The following MGST1 variants were observed in gnomAD, a reference collection of about 807,000 sequenced individuals.
The protein encoded by MGST1 is microsomal glutathione S-transferase 1, also known as glutathione S-transferase 12.
A neutral mutation model predicts 8.9 loss-of-function variants in MGST1; 5 were observed. That is an observed-to-expected ratio of 0.56 (90% CI 0.29 to 1.19). The LOEUF (loss-of-function observed/expected upper bound fraction) is 1.19, where lower values mean the gene tolerates loss of function less well. MGST1 is among the 50% of genes most tolerant of loss of function. The pLI is 0.08. For synonymous variants in MGST1, 54 were observed against 67.8 expected (o/e 0.80, Z 1.00); for missense variants, 182 against 187.4 (o/e 0.97, Z 0.17).
intron 4 of MGST1, among the ~76,000 whole-genome samples, chr12:16,461,413 G>A (rs993883864): frequency 1.9e-4 from 29 of 152,186 alleles, no homozygotes; most frequent in African/African-American, 6.7e-4. Flanking sequence ...TTTATCAGAC[G>A]TACAACCAGA....
At chr12:16,565,505 A>G (rs1942569160) in intron 4 of MGST1, among the ~76,000 whole-genome samples, 1 of 152,208 alleles carries the variant, frequency 6.6e-6, no homozygotes, top group South Asian at 2.1e-4. Context: ...GGTTCTCAGC[A>G]TGTGCTCCAC....
chr12:16,507,250 G>C (rs1396978253), intron 4 of MGST1, among the ~76,000 whole-genome samples: 3 of 152,190 alleles, frequency 2.0e-5, no homozygotes, highest in Admixed American at 2.0e-4. Flanking sequence ...GTTTGGTAGA[G>C]AGAAAATATT....
chr12:16,462,229 A>G (rs1941226187), intron 4 of MGST1, among the ~76,000 whole-genome samples: 1 of 152,180 alleles, frequency 6.6e-6, no homozygotes, highest in African/African-American at 2.4e-5. Context: ...GAGCTTTTGC[A>G]AGCATTTTGC....
chr12:16,421,680 C>T (rs1471170584), intron 1 of MGST1, among the ~76,000 whole-genome samples: 1 of 152,110 alleles, frequency 6.6e-6, no homozygotes. Flanking sequence ...GGTCCATGGA[C>T]GTATATTCAC....
At chr12:16,454,246 A>G (rs181908512) in intron 4 of MGST1, among the ~76,000 whole-genome samples, 1 of 152,040 alleles carries the variant, frequency 6.6e-6, no homozygotes, top group East Asian at 1.9e-4. Context: ...TCATTTAGGA[A>G]CTATTTTTTC....
intron 4 of MGST1, among the ~76,000 whole-genome samples, chr12:16,468,923 C>T (rs1941272985): frequency 6.6e-6 from 1 of 152,144 alleles, no homozygotes. Context: ...CTTCTTTCAC[C>T]TTTTCAGGTG....
At chr12:16,534,947 G>A (rs1050926968) in intron 4 of MGST1, among the ~76,000 whole-genome samples, 14 of 152,014 alleles carry the variant, frequency 9.2e-5, no homozygotes, top group Admixed American at 8.5e-4. Context: ...GATGGTTCTC[G>A]GGTGCTGCTC....
In MGST1 at chr12:16,389,362, G is replaced by A. The variant is rs1940530927; in HGVS notation, n.778+5758G>A. Among the ~76,000 whole-genome samples the A allele has an allele frequency of 6.6e-6, 1 of 152,320 alleles. No individual in the cohort carries two copies. Among genetic ancestry groups the A allele is most frequent in the South Asian group, 2.1e-4 (1 of 4,822 alleles). On this transcript the variant is annotated intron_variant and non_coding_transcript_variant, in intron 1 of 1. Transcript: ENST00000359720. The surrounding 1 kb of genome is among the most constrained non-coding windows in gnomAD (Gnocchi z 4.6). ...ATAATGTTGAGAATAGTGGTTAAGT[G>A]TCCTGTTTTGCTTATAGAAGACCAT...
chr12:16,520,265 G>T (rs375811049), intron 4 of MGST1, among the ~76,000 whole-genome samples: 2 of 152,106 alleles, frequency 1.3e-5, no homozygotes, highest in African/African-American at 4.8e-5. Flanking sequence ...CTAAATTAGT[G>T]AAAGAATGTT....
intron 4 of MGST1, among the ~76,000 whole-genome samples, chr12:16,502,351 C>CTAAT (rs1565465685): frequency 6.6e-6 from 1 of 152,150 alleles, no homozygotes; most frequent in Non-Finnish European, 1.5e-5. Context: ...CCCCAAGTCC[C>CTAAT]TAATAAATAG....
intron 4 of MGST1, among the ~76,000 whole-genome samples, chr12:16,459,719 A>T (rs935301021): frequency 6.6e-6 from 1 of 152,048 alleles, no homozygotes; most frequent in Non-Finnish European, 1.5e-5. Context: ...GCAGGTTTTT[A>T]CTAGAGTGTC....
chr12:16,350,436 TTTGA>T (rs1233062543), intron 1 of MGST1, among the ~76,000 whole-genome samples: 1 of 152,260 alleles, frequency 6.6e-6, no homozygotes, highest in East Asian at 1.9e-4. Context: ...CTTACTTTTC[TTTGA>T]TTATTTCTCC....
intron 4 of MGST1, chr12:16,549,210 T>C (rs1354145570): frequency 1.3e-5 from 2 of 152,244 alleles, no homozygotes; most frequent in South Asian, 4.1e-4. Flanking sequence ...CTTTGTTTAT[T>C]TTGGTTATGC....
chr12:16,443,918 C>T (rs1201232473), intron 4 of MGST1, among the ~76,000 whole-genome samples: 2 of 151,920 alleles, frequency 1.3e-5, no homozygotes, highest in African/African-American at 4.8e-5. Context: ...ACTGTCACTG[C>T]CCTTTTAAGA....
downstream of MGST1, among the ~76,000 whole-genome samples, chr12:16,366,654 CACACACACACATACACACACACAT>C (rs769198732): frequency 1.3e-3 from 86 of 68,386 alleles, no homozygotes; most frequent in East Asian, 5.3e-3. This position sits in a 1 kb window ranked among gnomAD's most constrained non-coding sequence, Gnocchi z 4.0. Context: ...CACACACACA[CACACACACACATACACACACACAT>C]ACTACCATCA....
chr12:16,370,593 G>A (rs1940274043), intron 3 of MGST1, among the ~76,000 whole-genome samples: 1 of 152,112 alleles, frequency 6.6e-6, no homozygotes, highest in African/African-American at 2.4e-5. Context: ...ACTTGATAGT[G>A]AAAGGAATAT....
Position 16,497,573 on chromosome 12 carries a change from C to T in MGST1, n.483-91955C>T, listed in dbSNP as rs1213822452. On this transcript the variant is annotated intron_variant and non_coding_transcript_variant, in intron 4 of 4. Transcript: ENST00000538857. This position sits in a 1 kb window ranked among gnomAD's most constrained non-coding sequence, Gnocchi z 4.4. Reference sequence around the variant, plus strand: ...ATAAATTTCATTTCATATTTTATGTCTCAGTGCAATCAAAGTTTTTCTGAT... The same window carrying T: ...ATAAATTTCATTTCATATTTTATGTTTCAGTGCAATCAAAGTTTTTCTGAT... 6.6e-6 allele frequency among the ~76,000 whole-genome samples: 1 copy of T among 152,118 alleles called. No individual in the cohort carries two copies. The highest frequency in any genetic ancestry group is 1.5e-5 in the Non-Finnish European group (1 of 67,990).
At position 16,497,466 on chromosome 12, in the gene MGST1, T is replaced by C. The variant is rs1247233231; in HGVS notation, n.483-92062T>C. Among the ~76,000 whole-genome samples the C allele has an allele frequency of 6.6e-6, 1 of 152,168 alleles. No homozygotes were observed. Among genetic ancestry groups the C allele is most frequent in the African/African-American group, 2.4e-5 (1 of 41,454 alleles). The stretch of plus-strand genomic sequence containing the variant: ...GAAGACTGCACATTCTCACACTGCA[T>C]CATGGTAAAGTGAAAAGAGAAAGCA... On this transcript the variant is annotated intron_variant and non_coding_transcript_variant, in intron 4 of 4. Coordinates refer to the MGST1 transcript ENST00000538857. This position sits in a 1 kb window ranked among gnomAD's most constrained non-coding sequence, Gnocchi z 4.4.
At chr12:16,382,368 C>T (rs1258940385), upstream of MGST1, among the ~76,000 whole-genome samples, 1 of 152,198 alleles carries the variant, frequency 6.6e-6, no homozygotes, top group East Asian at 1.9e-4. Flanking sequence ...ACAGGACCCT[C>T]AGCTGCAGGT....
Sources: gnomAD v4.1 joint callset for allele counts (sites outside exome capture counted in the v4.1 genomes callset) on GRCh38, gnomAD v4.1.1 for gene constraint, Gnocchi (gnomAD v3.1) non-coding constraint, MANE v1.5 for transcripts, NCBI Gene and HGNC (gene_info 2026-07-23, HGNC 2026-07-21) for gene names.